SLC24A2: variants seen among roughly 807,000 people sequenced by gnomAD.
The protein encoded by SLC24A2 is solute carrier family 24 member 2.
A neutral mutation model predicts 62.0 loss-of-function variants in SLC24A2; 36 were observed. That is an observed-to-expected ratio of 0.58 (90% CI 0.44 to 0.77). The LOEUF (loss-of-function observed/expected upper bound fraction) is 0.77. Among genes scored for constraint, SLC24A2 ranks in the 30% least tolerant of loss-of-function variants. The probability of loss-of-function intolerance (pLI) is 0.00; values close to 1 mark genes in which losing one functional copy is unlikely to be tolerated. For synonymous variants in SLC24A2, 358 were observed against 294.0 expected (o/e 1.22, Z -2.23); for missense variants, 846 against 817.9 (o/e 1.03, Z -0.42).
the SLC24A2 span, among the ~76,000 whole-genome samples, chr9:20,138,476 G>A: frequency 2.6e-5 from 4 of 152,128 alleles, no homozygotes; most frequent in African/African-American, 7.2e-5. Context: ...TTTTCCTTAT[G>A]AAATCTGGAT....
At chr9:20,260,983 G>A in the SLC24A2 span, among the ~76,000 whole-genome samples, 1 of 151,190 alleles carries the variant, frequency 6.6e-6, no homozygotes, top group Non-Finnish European at 1.5e-5. Flanking sequence ...AGCCTCTCGA[G>A]TACCTGGGAC....
the SLC24A2 span, among the ~76,000 whole-genome samples, chr9:20,124,167 A>G: frequency 6.6e-6 from 1 of 152,180 alleles, no homozygotes; most frequent in Non-Finnish European, 1.5e-5. Flanking sequence ...TCTCCTGAGC[A>G]TAACTATACG....
chr9:20,197,423 C>G, the SLC24A2 span, among the ~76,000 whole-genome samples: 1 of 130,228 alleles, frequency 7.7e-6, no homozygotes, highest in Non-Finnish European at 1.6e-5. Flanking sequence ...TTTTCTCTCT[C>G]TCTCTTTTTT....
chr9:19,861,768 C>G, the SLC24A2 span, among the ~76,000 whole-genome samples: 1 of 151,922 alleles, frequency 6.6e-6, no homozygotes, highest in Admixed American at 6.6e-5. Flanking sequence ...AACAGAAATT[C>G]TGGAGTTGAA....
At chr9:19,568,791 C>G (rs776032435) in intron 7 of SLC24A2, among the ~76,000 whole-genome samples, 3 of 152,110 alleles carry the variant, frequency 2.0e-5, no homozygotes, top group African/African-American at 7.2e-5. Flanking sequence ...ATGCAATTGC[C>G]TGGTTCAACA....
chr9:20,164,710 A>G, the SLC24A2 span, among the ~76,000 whole-genome samples: 36 of 152,110 alleles, frequency 2.4e-4, no homozygotes, highest in African/African-American at 7.0e-4. Flanking sequence ...CACTATTCAC[A>G]ATAGCAAAGA....
rs776033495 is a variant in SLC24A2 at position 19,650,847 on chromosome 9, GTGTT to G, written c.931-28552_931-28549del. On this transcript the variant is annotated intron_variant, in intron 2 of 10. Coordinates refer to ENST00000341998, the MANE Select transcript of SLC24A2 (RefSeq NM_020344.4). ...AGTGTGTGTGTGTGTGTGTGTGTGTGTGTTTGTGTGTGTATGCCAGCATCAAATA... is the reference window on the plus strand; with the variant it reads ...AGTGTGTGTGTGTGTGTGTGTGTGTGTGTGTGTGTATGCCAGCATCAAATA... Among the ~76,000 whole-genome samples the G allele has an allele frequency of 2.4e-3, 364 of 152,006 alleles. 3 individuals carry two copies. The highest frequency in any genetic ancestry group is 6.9e-3 in the African/African-American group (285 of 41,420).
chr9:19,607,372 A>AT (rs1041972812), intron 4 of SLC24A2, among the ~76,000 whole-genome samples: 2 of 152,070 alleles, frequency 1.3e-5, no homozygotes, highest in African/African-American at 4.8e-5. Context: ...TGGATACTTC[A>AT]TTGTCCTTTT....
At chr9:19,902,295 G>C in the SLC24A2 span, among the ~76,000 whole-genome samples, 1 of 152,146 alleles carries the variant, frequency 6.6e-6, no homozygotes, top group Non-Finnish European at 1.5e-5. Context: ...TCAGTTGGGA[G>C]GCTTGGGATT....
At chr9:20,033,447 C>T in the SLC24A2 span, among the ~76,000 whole-genome samples, 1 of 149,918 alleles carries the variant, frequency 6.7e-6, no homozygotes, top group Admixed American at 6.9e-5. Flanking sequence ...TTGGAAAATA[C>T]TGGTCTTAAG....
chr9:19,768,972 C>T (rs1206856520), intron 2 of SLC24A2, among the ~76,000 whole-genome samples: 2 of 151,974 alleles, frequency 1.3e-5, no homozygotes, highest in Non-Finnish European at 2.9e-5. Flanking sequence ...TTTATTCCAT[C>T]CCATGGCTTT....
At chr9:19,618,472 A>C (rs1817825367) in intron 4 of SLC24A2, among the ~76,000 whole-genome samples, 2 of 152,192 alleles carry the variant, frequency 1.3e-5, no homozygotes, top group Non-Finnish European at 2.9e-5. Flanking sequence ...ATGATTTGTG[A>C]TTGAAACGCC....
the SLC24A2 span, among the ~76,000 whole-genome samples, chr9:19,885,078 T>A: frequency 6.6e-6 from 1 of 152,316 alleles, no homozygotes; most frequent in Non-Finnish European, 1.5e-5. Context: ...GTCAGCTTTA[T>A]CCTTGTGAGT....
the SLC24A2 span, among the ~76,000 whole-genome samples, chr9:20,175,415 G>A: frequency 1.3e-5 from 2 of 151,842 alleles, no homozygotes; most frequent in African/African-American, 4.8e-5. Flanking sequence ...AAAGTTTGAG[G>A]TATAGAGAAT....
At chr9:19,947,824 G>GAAAGAAAGAA in the SLC24A2 span, among the ~76,000 whole-genome samples, 1 of 101,360 alleles carries the variant, frequency 9.9e-6, no homozygotes, top group Non-Finnish European at 2.4e-5. Context: ...AAGAAAGAAA[G>GAAAGAAAGAA]AAAGAAAGAA....
intron 2 of SLC24A2, among the ~76,000 whole-genome samples, chr9:19,659,381 G>A (rs1157402328): frequency 6.6e-6 from 1 of 152,142 alleles, no homozygotes; most frequent in African/African-American, 2.4e-5. Context: ...CGTTCAGTTT[G>A]TGGTACTTTG....
chr9:19,758,898 G>T (rs1822226899), intron 2 of SLC24A2, among the ~76,000 whole-genome samples: 1 of 152,148 alleles, frequency 6.6e-6, no homozygotes, highest in Admixed American at 6.6e-5. Flanking sequence ...AAAGTCGTCT[G>T]TTCTCCTTGA....
At chr9:20,259,345 T>C in the SLC24A2 span, among the ~76,000 whole-genome samples, 2 of 152,186 alleles carry the variant, frequency 1.3e-5, no homozygotes, top group Non-Finnish European at 1.5e-5. Flanking sequence ...CACACAGATA[T>C]TACTATAACC....
the SLC24A2 span, among the ~76,000 whole-genome samples, chr9:19,954,947 ATCTTT>A: frequency 6.6e-6 from 1 of 151,966 alleles, no homozygotes; most frequent in African/African-American, 2.4e-5. Context: ...TGGTAATGCC[ATCTTT>A]TCTTTTACAG....
Sources: gnomAD v4.1 joint callset for allele counts (sites outside exome capture counted in the v4.1 genomes callset) on GRCh38, gnomAD v4.1.1 for gene constraint, MANE v1.5 for transcripts, NCBI Gene and HGNC (gene_info 2026-07-23, HGNC 2026-07-21) for gene names.